SUPT20H: variants seen among roughly 807,000 people sequenced by gnomAD.
The protein encoded by SUPT20H is transcription factor SPT20 homolog.
SUPT20H carries 82 observed loss-of-function variants against 122.8 expected under a neutral mutation model. That is an observed-to-expected ratio of 0.67 (90% CI 0.56 to 0.80). The LOEUF (loss-of-function observed/expected upper bound fraction) is 0.80. Ranked by LOEUF, SUPT20H falls within the 30% of genes least tolerant of loss-of-function variation. The pLI, the probability that SUPT20H is intolerant of heterozygous loss-of-function variation, is 0.00. For missense variants in SUPT20H, 831 were observed against 921.6 expected (o/e 0.90, Z 1.27); for synonymous variants, 291 against 313.0 (o/e 0.93, Z 0.74).
chr13:37,024,540 T>A, intron 17 of SUPT20H, 98 bp from the exon 18 acceptor site: 1 of 812,772 alleles, frequency 1.2e-6, no homozygotes, highest in Non-Finnish European at 1.8e-6. Context: ...TAAATAAAAT[T>A]AATACTGCTA....
At chr13:37,019,634 C>T (rs977582807) in intron 21 of SUPT20H, among the ~76,000 whole-genome samples, 1 of 152,104 alleles carries the variant, frequency 6.6e-6, no homozygotes, top group East Asian at 1.9e-4. Flanking sequence ...ATTTCAGAAA[C>T]TGGGACTTCT....
At chr13:37,026,694 C>G in intron 15 of SUPT20H, 96 bp downstream of exon 15, 1 of 716,274 alleles carries the variant, frequency 1.4e-6, no homozygotes, top group South Asian at 2.1e-5. Context: ...ACATATTTAT[C>G]ACTGATTCAA....
intron 12 of SUPT20H, among the ~76,000 whole-genome samples, chr13:37,031,275 CTG>C (rs1456166224): frequency 1.3e-5 from 2 of 151,982 alleles, no homozygotes; most frequent in African/African-American, 2.4e-5. Context: ...GTAATATACA[CTG>C]TATTTTTCCA....
chr13:37,021,946 GA>G, intron 20 of SUPT20H, 64 bp downstream of exon 20: 1 of 1,489,174 alleles, frequency 6.7e-7, no homozygotes, highest in Non-Finnish European at 9.0e-7. Context: ...CACACATTAA[GA>G]ATTTATTTAG....
intron 9 of SUPT20H, among the ~76,000 whole-genome samples, chr13:37,036,401 C>A (rs142605833): frequency 6.6e-6 from 1 of 151,678 alleles, no homozygotes; most frequent in African/African-American, 2.4e-5. Flanking sequence ...CTCAGCTCAC[C>A]GCAACCTCCA....
At chr13:37,011,649 C>T (rs892795881) in intron 24 of SUPT20H, among the ~76,000 whole-genome samples, 4 of 149,232 alleles carry the variant, frequency 2.7e-5, no homozygotes, top group African/African-American at 7.7e-5. Flanking sequence ...TTAGAATTAT[C>T]GTCTTCAACT....
At chr13:37,012,345 T>G in intron 23 of SUPT20H, 48 bp from the exon 24 acceptor site, 2 of 1,475,216 alleles carry the variant, frequency 1.4e-6, no homozygotes, top group Non-Finnish European at 1.9e-6. Flanking sequence ...AAAAACAAAT[T>G]TGAGCTGGTG....
intron 8 of SUPT20H, 29 bp from the exon 9 acceptor site, chr13:37,040,487 A>G: frequency 6.4e-7 from 1 of 1,568,242 alleles, no homozygotes; most frequent in South Asian, 1.2e-5. Flanking sequence ...TAAAAAACTT[A>G]TTAATCTATG....
rs755369755 is a variant in SUPT20H at position 37,019,414 on chromosome 13, A to G, written c.1817-17T>C. Reference sequence around the variant, plus strand: ...ATGGAACACCTGTTAAATAAAACTCATGGTTATAACAGAATTGAAAGTTTA... The same window carrying G: ...ATGGAACACCTGTTAAATAAAACTCGTGGTTATAACAGAATTGAAAGTTTA... On this transcript the variant is annotated splice_polypyrimidine_tract_variant and intron_variant, in intron 21 of 25. Coordinates refer to ENST00000350612, the MANE Select transcript of SUPT20H (RefSeq NM_001014286.3). 3.2e-6 allele frequency: 5 copies of G among 1,582,008 alleles called. No homozygotes were observed. The South Asian group carries it at 5.8e-5, about 18-fold the overall frequency.
intron 7 of SUPT20H, among the ~76,000 whole-genome samples, chr13:37,041,039 T>C (rs1371128433): frequency 6.6e-6 from 1 of 152,244 alleles, no homozygotes; most frequent in East Asian, 1.9e-4. Context: ...ACAGGCTTAC[T>C]GTTACATTTC....
In SUPT20H at chr13:37,045,349, A is replaced by T; in HGVS notation, c.190T>A (p.Leu64Ile). The T allele has an allele frequency of 6.2e-7, 1 of 1,613,588 alleles. No homozygotes were observed. Among genetic ancestry groups the T allele is most frequent in the South Asian group, 1.1e-5 (1 of 91,064 alleles). Residue 64 changes from leucine to isoleucine, a missense_variant, in exon 6 of 26, where the codon TTA (leucine) becomes ATA (isoleucine). Leu to Ile is a conservative substitution (Grantham distance 5). Coordinates refer to ENST00000350612, the MANE Select transcript of SUPT20H (RefSeq NM_001014286.3). ...VKKLRRNVNL[L>I]EKLVMQETLS... ...GTCTCTTGCATAACAAGCTTCTCTA[A>T]CAAGTTCACATTTCTTCTTAATTTC...
chr13:37,043,253 G>T (rs1566297408), intron 7 of SUPT20H, among the ~76,000 whole-genome samples: 1 of 152,068 alleles, frequency 6.6e-6, no homozygotes, highest in Non-Finnish European at 1.5e-5. Context: ...TGAAGAGAGA[G>T]GTAGGGATGC....
intron 22 of SUPT20H, among the ~76,000 whole-genome samples, chr13:37,018,537 T>C (rs1351219461): frequency 6.6e-6 from 1 of 152,232 alleles, no homozygotes; most frequent in Non-Finnish European, 1.5e-5. Flanking sequence ...ATAGCTCTAC[T>C]ATGTTACATA....
chr13:37,012,709 G>GCA (rs1236413986), intron 23 of SUPT20H: 3 of 154,970 alleles, frequency 1.9e-5, no homozygotes, highest in African/African-American at 7.2e-5. Context: ...TTTTCAAATG[G>GCA]CACAACTGTC....
intron 24 of SUPT20H, among the ~76,000 whole-genome samples, chr13:37,011,614 AT>A (rs1191623723): frequency 1.3e-5 from 2 of 152,160 alleles, no homozygotes; most frequent in African/African-American, 2.4e-5. Context: ...GGAAGTTAGA[AT>A]TATCGTCTTC....
At chr13:37,051,178 T>G (rs2067597817) in intron 2 of SUPT20H, among the ~76,000 whole-genome samples, 1 of 152,194 alleles carries the variant, frequency 6.6e-6, no homozygotes. Flanking sequence ...TCCCCAAAAC[T>G]ATTTGTATTT....
intron 24 of SUPT20H, among the ~76,000 whole-genome samples, chr13:37,011,442 C>T (rs766965999): frequency 6.6e-6 from 1 of 152,108 alleles, no homozygotes. Context: ...TAAAGATTAT[C>T]ATTCTAAAAG....
intron 9 of SUPT20H, chr13:37,039,566 A>G (rs557358804): frequency 6.6e-6 from 1 of 152,334 alleles, no homozygotes; most frequent in African/African-American, 2.4e-5. Flanking sequence ...GGAAAGCTTC[A>G]CTAGAGACTT....
Position 37,031,915 on chromosome 13 carries a change from G to T in SUPT20H, c.708-20C>A. The T allele has an allele frequency of 6.4e-7, 1 of 1,559,360 alleles. No individual in the cohort carries two copies. The highest frequency in any genetic ancestry group is 1.2e-5 in the South Asian group (1 of 81,492). On this transcript the variant is annotated intron_variant, in intron 10 of 25. Transcript: ENST00000350612. Reference sequence around the variant, plus strand: ...AAACACCTGAAATATTAAGAAATTTGAACTAAACGGCACTAATAAAAGAAA... The same window carrying T: ...AAACACCTGAAATATTAAGAAATTTTAACTAAACGGCACTAATAAAAGAAA...
Sources: gnomAD v4.1 joint callset for allele counts (sites outside exome capture counted in the v4.1 genomes callset) on GRCh38, gnomAD v4.1.1 for gene constraint, MANE v1.5 for transcripts, NCBI Gene and HGNC (gene_info 2026-07-23, HGNC 2026-07-21) for gene names.